Variants in BMX observed in about 807,000 individuals in gnomAD.
BMX encodes BMX non-receptor tyrosine kinase.
In BMX, 31 loss-of-function variants were observed where a neutral mutation model predicts 59.2. The observed-to-expected ratio is 0.52, with a 90% CI of 0.39 to 0.71. The LOEUF is 0.71. BMX is among the 30% of genes least tolerant of loss of function. The pLI, the probability that BMX is intolerant of heterozygous loss-of-function variation, is 0.00. For synonymous variants in BMX, 185 were observed against 181.0 expected (o/e 1.02, Z -0.18); for missense variants, 474 against 491.7 (o/e 0.96, Z 0.34).
chrX:15,527,247 AATATAT>A (rs34046926), intron 9 of BMX, among the ~76,000 whole-genome samples: 17 of 56,362 alleles, frequency 3.0e-4, no homozygotes, highest in African/African-American at 3.5e-4. Context: ...CACACACACA[AATATAT>A]ATATATATAT....
intron 16 of BMX, among the ~76,000 whole-genome samples, chrX:15,546,552 T>C (rs1453255316): frequency 8.9e-6 from 1 of 112,286 alleles, no homozygotes; most frequent in Non-Finnish European, 1.9e-5. Context: ...CTGAGTAATT[T>C]TATCTTTACT....
chrX:15,537,390 C>A, intron 14 of BMX, 85 bp downstream of exon 14: 1 of 1,026,271 alleles, frequency 9.7e-7, no homozygotes, highest in Admixed American at 2.8e-5. Flanking sequence ...CTTTGCAAGG[C>A]CTAGAGCAAA....
At chrX:15,533,762 G>T (rs1412529031) in intron 11 of BMX, among the ~76,000 whole-genome samples, 1 of 111,423 alleles carries the variant, frequency 9.0e-6, no homozygotes, top group Non-Finnish European at 1.9e-5. Flanking sequence ...CCCCAAAAGA[G>T]CCTCCTCCCA....
chrX:15,509,382 G>T lies in BMX; in HGVS notation c.192G>T (p.Glu64Asp), dbSNP rs756497600. 5.0e-6 allele frequency: 6 copies of T among 1,209,039 alleles called. No individual in the cohort carries two copies. Among genetic ancestry groups the T allele is most frequent in the Non-Finnish European group, 5.6e-6 (5 of 894,159 alleles). The change falls in exon 3 of 19, where the codon GAG (glutamate) becomes GAT (aspartate). Residue 64 changes from glutamate to aspartate, a missense_variant. Transcript: ENST00000348343. ...AAATTAAGAAAATCAGATGTGTGGAGAAAGTAAATCTCGAGGAGCAGACGC... is the reference window on the plus strand; with the variant it reads ...AAATTAAGAAAATCAGATGTGTGGATAAAGTAAATCTCGAGGAGCAGACGC... ...SIEIKKIRCVEKVNLEEQTPV... is the reference protein window; with the variant it reads ...SIEIKKIRCVDKVNLEEQTPV...
Position 15,529,955 on chromosome X carries a change from AT to A in BMX, c.885-11del. On this transcript the variant is annotated splice_polypyrimidine_tract_variant and intron_variant, in intron 9 of 18. Coordinates refer to ENST00000348343, the MANE Select transcript of BMX (RefSeq NM_203281.3). ...TAAAACTTATTGATTCTCACATATA[AT>A]TTTTTTCCTTTTGCAGCTGGTTTGC... 1.7e-6 allele frequency: 2 copies of A among 1,198,339 alleles called. No homozygotes were observed. Among genetic ancestry groups the A allele is most frequent in the Non-Finnish European group, 2.3e-6 (2 of 884,053 alleles).
chrX:15,550,075 G>A, intron 18 of BMX, 78 bp downstream of exon 18: 1 of 1,094,237 alleles, frequency 9.1e-7, no homozygotes, highest in Non-Finnish European at 1.2e-6. Flanking sequence ...CTGGGACAAA[G>A]CTTTTTTGAG....
rs761315282 is a variant in BMX, at chrX:15,534,363, T to C, written c.1147+24T>C. 7.0e-6 allele frequency: 8 copies of C among 1,139,188 alleles called. No homozygotes were observed. In the Admixed American group the frequency reaches 2.2e-4, roughly 31 times the overall value. The allele number at this position is 1,139,188 out of a possible 1,213,427, so 93.9% of individuals were successfully genotyped here. On this transcript the variant is annotated intron_variant, in intron 12 of 18. Coordinates refer to ENST00000348343, the MANE Select transcript of BMX (RefSeq NM_203281.3). ...AGGTAACTTATTTTAGTTTTTCTTTTATGGGCCCTTGTTGTAAAACAGCAA... is the reference window on the plus strand; with the variant it reads ...AGGTAACTTATTTTAGTTTTTCTTTCATGGGCCCTTGTTGTAAAACAGCAA...
At chrX:15,530,321 C>T (rs1925005861) in intron 10 of BMX, among the ~76,000 whole-genome samples, 1 of 111,575 alleles carries the variant, frequency 9.0e-6, no homozygotes. Flanking sequence ...GCAAGTTTTG[C>T]TTAGGGGCAC....
chrX:15,511,314 A>G (rs962307063), intron 3 of BMX, 123 bp from the exon 4 acceptor site: 1 of 456,770 alleles, frequency 2.2e-6, no homozygotes. Flanking sequence ...ATCTAATTCC[A>G]GAGCTGATGT....
intron 18 of BMX, among the ~76,000 whole-genome samples, chrX:15,554,245 T>G: frequency 8.9e-6 from 1 of 112,259 alleles, no homozygotes. Context: ...GGGTACCTAT[T>G]TTCTTATAAC....
At chrX:15,506,974 C>G (rs1322420954) in intron 1 of BMX, among the ~76,000 whole-genome samples, 7 of 112,937 alleles carry the variant, frequency 6.2e-5, no homozygotes, top group Non-Finnish European at 1.3e-4. Flanking sequence ...AATAAATAAT[C>G]TTTTGTTCTA....
intron 16 of BMX, among the ~76,000 whole-genome samples, chrX:15,545,031 G>A (rs1299910012): frequency 9.0e-6 from 1 of 111,325 alleles, no homozygotes; most frequent in Non-Finnish European, 1.9e-5. Context: ...TGTGGTTTTT[G>A]TGGGCAAATA....
intron 8 of BMX, among the ~76,000 whole-genome samples, chrX:15,525,748 A>G (rs1380589946): frequency 1.8e-5 from 2 of 112,009 alleles, no homozygotes; most frequent in African/African-American, 3.2e-5. Flanking sequence ...CTATTTCGTG[A>G]GCCCACTCTT....
At chrX:15,503,126 C>T (rs1923627376) in intron 1 of BMX, among the ~76,000 whole-genome samples, 1 of 111,868 alleles carries the variant, frequency 8.9e-6, no homozygotes, top group South Asian at 3.8e-4. Flanking sequence ...TCAGGGAATA[C>T]ACTTCCTGGT....
chrX:15,551,924 A>C (rs946170585), intron 18 of BMX, among the ~76,000 whole-genome samples: 1 of 111,467 alleles, frequency 9.0e-6, no homozygotes, highest in Admixed American at 9.5e-5. Context: ...AGCCATACTA[A>C]AGGAGAACAT....
intron 9 of BMX, among the ~76,000 whole-genome samples, chrX:15,527,127 C>A (rs1286519272): frequency 1.0e-5 from 1 of 95,789 alleles, no homozygotes; most frequent in African/African-American, 3.8e-5. Context: ...AATATATATA[C>A]CTGCTATGGT....
At chrX:15,518,244 CA>C (rs373399805) in intron 6 of BMX, among the ~76,000 whole-genome samples, 3,500 of 86,292 alleles carry the variant, frequency 0.041, 136 homozygotes, top group African/African-American at 0.13. Context: ...AAATAGTCAC[CA>C]AAAAAAAAAA....
rs62578917 is a variant in BMX at position 15,554,352 on chromosome X, T to A, written c.1954-1721T>A. 4.3e-3 allele frequency among the ~76,000 whole-genome samples: 480 copies of A among 111,892 alleles called. 1 individual carries two copies. Among genetic ancestry groups the A allele is most frequent in the Middle Eastern group, 0.023 (5 of 218 alleles). ...TCTTAGTGCAGCTTTAATATATATA[T>A]CTTTCATTATGAGGTTGAGCCTCTT... On this transcript the variant is annotated intron_variant, in intron 18 of 18. Coordinates refer to ENST00000348343, the MANE Select transcript of BMX (RefSeq NM_203281.3).
At chrX:15,530,144 T>C in intron 10 of BMX, 117 bp downstream of exon 10, 1 of 717,225 alleles carries the variant, frequency 1.4e-6, no homozygotes, top group Non-Finnish European at 2.1e-6. Context: ...GTCATTGTAG[T>C]GTTGCTTGTC....
Sources: allele counts gnomAD v4.1 joint callset (sites outside exome capture counted in the v4.1 genomes callset), GRCh38; gene constraint gnomAD v4.1.1; transcripts MANE v1.5; gene names NCBI Gene and HGNC (gene_info 2026-07-23, HGNC 2026-07-21).